POU4F1: variants seen among roughly 807,000 people sequenced by gnomAD.
POU4F1 encodes POU domain, class 4, transcription factor 1.
A neutral mutation model predicts 19.8 loss-of-function variants in POU4F1; 5 were observed. The observed-to-expected ratio is 0.25, with a 90% CI of 0.13 to 0.53. POU4F1 has a LOEUF of 0.53. Among genes scored for constraint, POU4F1 ranks in the 20% least tolerant of loss-of-function variants. The pLI is 0.96. For missense variants in POU4F1, 408 were observed against 511.6 expected (o/e 0.80, Z 1.95); for synonymous variants, 266 against 247.7 (o/e 1.07, Z -0.69).
At position 78,601,901 on chromosome 13, in the gene POU4F1, G is replaced by C. The variant is rs528337665; in HGVS notation, c.774C>G (p.Ile258Met). 2.6e-6 allele frequency: 4 copies of C among 1,526,468 alleles called. No homozygotes were observed. The South Asian group carries it at 4.8e-5, about 18-fold the overall frequency. 94.6% of individuals were successfully genotyped at this position (1,526,468 alleles called of 1,614,324 possible). Residue 258 changes from isoleucine to methionine, a missense_variant, in exon 2 of 2, where the codon ATC becomes ATG. Ile to Met is a conservative substitution (Grantham distance 10, BLOSUM62 1). Around this residue, in one of 4 missense-constraint regions of POU4F1, gnomAD observed 294 missense variants for 288.2 expected, o/e 1.02. Coordinates refer to ENST00000377208, the MANE Select transcript of POU4F1 (RefSeq NM_006237.4). ...AVVGAAGLAS[I>M]CDSDTDPREL... The stretch of plus-strand genomic sequence containing the variant: ...CGCGCGGGTCCGTGTCCGAGTCGCA[G>C]ATGGACGCCAGGCCCGCTGCGCCCA...
intron 1 of POU4F1, 148 bp downstream of exon 1, chr13:78,603,056 A>G (rs1874777187): frequency 1.7e-6 from 1 of 600,400 alleles, no homozygotes; most frequent in Middle Eastern, 4.8e-4. Flanking sequence ...GCCGCCGGAC[A>G]AAACGTGCCT....
rs924221631 is a variant in POU4F1 at position 78,603,421 on chromosome 13, C to T, written c.-95G>A. On this transcript the variant is annotated 5_prime_UTR_variant, in exon 1 of 2. Transcript: ENST00000377208. ...CCGGCCTCCCTTCGGAGGCTGCAGC[C>T]GCGGCGGTCGCGGCGGCTGGCGGCG... 2.8e-6 allele frequency: 4 copies of T among 1,404,520 alleles called. No individual in the cohort carries two copies. The African/African-American group carries it at 4.5e-5, about 16-fold the overall frequency. 87.0% of individuals were successfully genotyped at this position (1,404,520 alleles called of 1,614,324 possible). A position where few individuals can be genotyped will look rare whatever the true frequency, so the allele number is the denominator to read the frequency against.
Position 78,603,516 on chromosome 13 carries a change from C to A in POU4F1, c.-190G>T, listed in dbSNP as rs1874798280. ...CTCCCTCTGACCGCGCAGAGCGCCG[C>A]GCGCCGGCCTCGCGGTCCCGCTTCT... is the stretch of plus-strand genomic sequence containing the variant. On this transcript the variant is annotated 5_prime_UTR_variant, in exon 1 of 2. Coordinates refer to ENST00000377208, the MANE Select transcript of POU4F1 (RefSeq NM_006237.4). 1 of 928,844 alleles carries A rather than the reference C, an allele frequency of 1.1e-6. No individual in the cohort carries two copies. The highest frequency in any genetic ancestry group is 1.4e-6 in the Non-Finnish European group (1 of 735,216). 57.5% of individuals were successfully genotyped at this position (928,844 alleles called of 1,614,324 possible).
intron 1 of POU4F1, 60 bp from the exon 2 acceptor site, chr13:78,602,611 A>AC: frequency 2.2e-6 from 3 of 1,359,892 alleles, no homozygotes; most frequent in Non-Finnish European, 2.9e-6. Flanking sequence ...AAACAAAACA[A>AC]CAGAAGAAAC....
rs868147204 is a variant in POU4F1, at chr13:78,600,389, G to A, written c.*1026C>T. ...CTTATTTTGAAATTGTCTAAAACTA[G>A]ATCTTCGACATAAGAGGAAAAAAAA... On this transcript the variant is annotated 3_prime_UTR_variant, in exon 2 of 2. Coordinates refer to ENST00000377208, the MANE Select transcript of POU4F1 (RefSeq NM_006237.4). 3.9e-5 allele frequency: 6 copies of A among 152,102 alleles called. No individual in the cohort carries two copies. In the South Asian group the frequency reaches 6.2e-4, roughly 16 times the overall value. 9.4% of individuals were successfully genotyped at this position (152,102 alleles called of 1,614,324 possible).
rs898453057 is a variant in POU4F1 at position 78,601,029 on chromosome 13, G to C, written c.*386C>G. The C allele has an allele frequency of 4.5e-6, 1 of 221,768 alleles. No individual in the cohort carries two copies. The highest frequency in any genetic ancestry group is 5.1e-5 in the Admixed American group (1 of 19,448). The allele number at this position is 221,768 out of a possible 1,614,324, so 13.7% of individuals were successfully genotyped here. A position where few individuals can be genotyped will look rare whatever the true frequency, so the allele number is the denominator to read the frequency against. ...AGTTCCTTGGTCCCCAGGATATTTA[G>C]GTAAGTGTCTCTGGTCAGAAACAGT... On this transcript the variant is annotated 3_prime_UTR_variant, in exon 2 of 2. Coordinates refer to ENST00000377208, the MANE Select transcript of POU4F1 (RefSeq NM_006237.4).
In POU4F1 at chr13:78,601,174, C is replaced by G. The variant is rs1185752286; in HGVS notation, c.*241G>C. The G allele has an allele frequency of 3.3e-6, 1 of 303,398 alleles. No homozygotes were observed. The highest frequency in any genetic ancestry group is 5.9e-6 in the Non-Finnish European group (1 of 168,436). 18.8% of individuals were successfully genotyped at this position (303,398 alleles called of 1,614,324 possible). A position where few individuals can be genotyped will look rare whatever the true frequency, so the allele number is the denominator to read the frequency against. On this transcript the variant is annotated 3_prime_UTR_variant, in exon 2 of 2. Transcript: ENST00000377208. ...CCACTCCCCACTCCCCCGAATGCTC[C>G]CCCCCTTCTCCCCTACCCTATACTC...
At position 78,602,396 on chromosome 13, in the gene POU4F1, A is replaced by G; in HGVS notation, c.279T>C (p.Thr93=). The stretch of plus-strand genomic sequence containing the variant: ...GGTGGTGCGCCAGAGGCACCGTGGA[A>G]GTGGACGTGCACGGCACGCTGTTCA... ...HTMNSVPCTS[T]STVPLAHHHH... Residue 93 remains threonine, a synonymous_variant, in exon 2 of 2, where the codon ACT becomes ACC. Transcript: ENST00000377208. The G allele has an allele frequency of 6.4e-7, 1 of 1,553,872 alleles. No individual in the cohort carries two copies. The highest frequency in any genetic ancestry group is 8.7e-7 in the Non-Finnish European group (1 of 1,152,398).
Position 78,601,306 on chromosome 13 carries a change from AG to A in POU4F1, c.*108del. 4 of 1,504,776 alleles carry A rather than the reference AG, an allele frequency of 2.7e-6. No homozygotes were observed. In the South Asian group the frequency reaches 5.2e-5, roughly 19 times the overall value. The allele number at this position is 1,504,776 out of a possible 1,614,324, so 93.2% of individuals were successfully genotyped here. On this transcript the variant is annotated 3_prime_UTR_variant, in exon 2 of 2. Transcript: ENST00000377208. ...GAGCGAGAAGGGACTCCCCAAATGC[AG>A]GCAGGATAACGGACACTCCAAATCC...
Position 78,601,179 on chromosome 13 carries a change from CTTCT to C in POU4F1, c.*232_*235del. 1 of 453,986 alleles carries C rather than the reference CTTCT, an allele frequency of 2.2e-6. No individual in the cohort carries two copies. Among genetic ancestry groups the C allele is most frequent in the Non-Finnish European group, 3.7e-6 (1 of 271,216 alleles). The allele number at this position is 453,986 out of a possible 1,614,324, so 28.1% of individuals were successfully genotyped here. A position where few individuals can be genotyped will look rare whatever the true frequency, so the allele number is the denominator to read the frequency against. On this transcript the variant is annotated 3_prime_UTR_variant, in exon 2 of 2. Coordinates refer to ENST00000377208, the MANE Select transcript of POU4F1 (RefSeq NM_006237.4). ...CCCCACTCCCCCGAATGCTCCCCCC[CTTCT>C]CCCCTACCCTATACTCCAATCCCCA...
In POU4F1 at chr13:78,600,514, C is replaced by G. The variant is rs1874649633; in HGVS notation, c.*901G>C. The G allele has an allele frequency of 6.6e-6, 1 of 152,098 alleles. No homozygotes were observed. The highest frequency in any genetic ancestry group is 1.5e-5 in the Non-Finnish European group (1 of 68,032). 9.4% of individuals were successfully genotyped at this position (152,098 alleles called of 1,614,324 possible). On this transcript the variant is annotated 3_prime_UTR_variant, in exon 2 of 2. Transcript: ENST00000377208. ...AAGACTATGCCCTTCTCTCCAAAGA[C>G]CCCCACCCCAACAGGACCAGGCCAC...
In POU4F1 at chr13:78,602,556, A is replaced by T; in HGVS notation, c.124-5T>A. The T allele has an allele frequency of 6.6e-7, 1 of 1,505,028 alleles. No individual in the cohort carries two copies. Among genetic ancestry groups the T allele is most frequent in the Non-Finnish European group, 8.8e-7 (1 of 1,131,498 alleles). The allele number at this position is 1,505,028 out of a possible 1,614,324, so 93.2% of individuals were successfully genotyped here. On this transcript the variant is annotated splice_polypyrimidine_tract_variant and splice_region_variant and intron_variant, in intron 1 of 1. Coordinates refer to ENST00000377208, the MANE Select transcript of POU4F1 (RefSeq NM_006237.4). ...GGCGAAGAGGTTGCTCTGCAGCTGC[A>T]GGCGACACAAACCAAACCAAAAAAA...
chr13:78,601,882 G>T lies in POU4F1; in HGVS notation c.793C>A (p.Pro265Thr). The T allele has an allele frequency of 3.2e-6, 5 of 1,565,604 alleles. No homozygotes were observed. Among genetic ancestry groups the T allele is most frequent in the Non-Finnish European group, 4.3e-6 (5 of 1,163,010 alleles). The change falls in exon 2 of 2, where the codon CCG becomes ACG. Residue 265 changes from proline (P) to threonine (T), a missense_variant. Pro to Thr is a conservative substitution (Grantham distance 38, BLOSUM62 -1). Coordinates refer to ENST00000377208, the MANE Select transcript of POU4F1 (RefSeq NM_006237.4). ...TCCGCGAACGCCTCGAGCTCGCGCG[G>T]GTCCGTGTCCGAGTCGCAGATGGAC... ...LASICDSDTD[P>T]RELEAFAERF...
chr13:78,602,965 G>A (rs1019256129), intron 1 of POU4F1, among the ~76,000 whole-genome samples: 7 of 152,220 alleles, frequency 4.6e-5, no homozygotes, highest in Non-Finnish European at 7.3e-5. Flanking sequence ...GGGAAGTCGA[G>A]AGTCCTGGCC....
Position 78,601,711 on chromosome 13 carries a change from T to C in POU4F1, c.964A>G (p.Met322Val). 1.9e-6 allele frequency: 3 copies of C among 1,613,892 alleles called. No homozygotes were observed. The highest frequency in any genetic ancestry group is 1.7e-6 in the Non-Finnish European group (2 of 1,179,938). Reference sequence around the variant, plus strand: ...TGCAGGATGGGCTTGAGCGCGATCATGTTGTTGTGCGAGAGCGTGAGCGAC... The same window carrying C: ...TGCAGGATGGGCTTGAGCGCGATCACGTTGTTGTGCGAGAGCGTGAGCGAC... ...FESLTLSHNNMIALKPILQAW... is the reference protein window; with the variant it reads ...FESLTLSHNNVIALKPILQAW... Residue 322 changes from methionine to valine, a missense_variant, in exon 2 of 2, where the codon ATG becomes GTG. Met to Val is a conservative substitution (Grantham distance 21). Coordinates refer to ENST00000377208, the MANE Select transcript of POU4F1 (RefSeq NM_006237.4).
chr13:78,602,317 T>G lies in POU4F1; in HGVS notation c.358A>C (p.Ile120Leu). The change falls in exon 2 of 2, where the codon ATC (isoleucine) becomes CTC (leucine). Residue 120 changes from isoleucine to leucine, a missense_variant. This residue lies in a region of POU4F1 where 294 missense variants were observed against 288.2 expected (regional missense o/e 1.02). Coordinates refer to ENST00000377208, the MANE Select transcript of POU4F1 (RefSeq NM_006237.4). ...ALEPGDLLDH[I>L]SSPSLALMAG... ...ATGAGCGCGAGCGACGGCGAGGAGA[T>G]GTGGTCCAGCAGATCGCCGGGTTCG... is the stretch of plus-strand genomic sequence containing the variant. The G allele has an allele frequency of 7.5e-7, 1 of 1,340,264 alleles. No homozygotes were observed. The highest frequency in any genetic ancestry group is 9.6e-7 in the Non-Finnish European group (1 of 1,037,450). 83.0% of individuals were successfully genotyped at this position (1,340,264 alleles called of 1,614,324 possible).
Position 78,603,321 on chromosome 13 carries a change from C to T in POU4F1, c.6G>A (p.Met2Ile). MMSMNSKQPHFA... is the reference protein window; with the variant it reads MISMNSKQPHFA... Reference sequence around the variant, plus strand: ...AGTGAGGCTGCTTGCTGTTCATGGACATCATCGTGGCGGCTTGGCATGTAT... The same window carrying T: ...AGTGAGGCTGCTTGCTGTTCATGGATATCATCGTGGCGGCTTGGCATGTAT... The change falls in exon 1 of 2, where the codon ATG (methionine) becomes ATA (isoleucine). Residue 2 changes from methionine (M) to isoleucine (I), a missense_variant. By Grantham distance (10) the Met-to-Ile change is conservative. Coordinates refer to ENST00000377208, the MANE Select transcript of POU4F1 (RefSeq NM_006237.4). 2 of 1,578,290 alleles carry T rather than the reference C, an allele frequency of 1.3e-6. No individual in the cohort carries two copies. Among genetic ancestry groups the T allele is most frequent in the South Asian group, 2.3e-5 (2 of 88,384 alleles).
chr13:78,601,318 G>C lies in POU4F1; in HGVS notation c.*97C>G. ...ACTCCCCAAATGCAGGCAGGATAAC[G>C]GACACTCCAAATCCGAGGGGAGGCA... is the stretch of plus-strand genomic sequence containing the variant. On this transcript the variant is annotated 3_prime_UTR_variant, in exon 2 of 2. Coordinates refer to ENST00000377208, the MANE Select transcript of POU4F1 (RefSeq NM_006237.4). 1 of 1,546,464 alleles carries C rather than the reference G, an allele frequency of 6.5e-7. No homozygotes were observed. The highest frequency in any genetic ancestry group is 8.7e-7 in the Non-Finnish European group (1 of 1,148,972).
chr13:78,599,542 T>A lies in POU4F1; in HGVS notation c.*1873A>T, dbSNP rs1267731442. On this transcript the variant is annotated 3_prime_UTR_variant, in exon 2 of 2. Coordinates refer to ENST00000377208, the MANE Select transcript of POU4F1 (RefSeq NM_006237.4). ...CTACCAGAAAGCTAGCCCAGTTTAG[T>A]GCTCAGTTTCAAATGCATAGAATGT... 1 of 152,644 alleles carries A rather than the reference T, an allele frequency of 6.6e-6. No individual in the cohort carries two copies. The highest frequency in any genetic ancestry group is 1.5e-5 in the Non-Finnish European group (1 of 68,046). The allele number at this position is 152,644 out of a possible 1,614,324, so 9.5% of individuals were successfully genotyped here.
Sources: allele counts gnomAD v4.1 joint callset (sites outside exome capture counted in the v4.1 genomes callset), GRCh38; gene constraint gnomAD v4.1.1; regional missense constraint gnomAD v4.1.1; transcripts MANE v1.5; gene names NCBI Gene and HGNC (gene_info 2026-07-23, HGNC 2026-07-21).